Variants in PTPRG observed in about 807,000 individuals in gnomAD.
PTPRG encodes receptor-type tyrosine-protein phosphatase gamma.
A neutral mutation model predicts 165.3 loss-of-function variants in PTPRG; 102 were observed. That is an observed-to-expected ratio of 0.62 (90% CI 0.53 to 0.73). The LOEUF (loss-of-function observed/expected upper bound fraction) is 0.73. PTPRG is among the 30% of genes least tolerant of loss of function. PTPRG has a pLI of 0.00. For synonymous variants in PTPRG, 675 were observed against 669.5 expected, an observed-to-expected ratio of 1.01 and a Z score of -0.13; for missense variants, 1,866 against 1,861.4, an observed-to-expected ratio of 1.00 and a Z score of -0.05.
At chr3:61,801,345 G>C (rs2035235730) in intron 2 of PTPRG, among the ~76,000 whole-genome samples, 1 of 145,738 alleles carries the variant, frequency 6.9e-6, no homozygotes, top group African/African-American at 2.6e-5. Context: ...GTCTTGCTCT[G>C]TCACCCAGGC....
intron 26 of PTPRG, among the ~76,000 whole-genome samples, chr3:62,280,970 T>C (rs2148887351): frequency 6.6e-6 from 1 of 152,170 alleles, no homozygotes; most frequent in Non-Finnish European, 1.5e-5. Context: ...TTGCACTGTA[T>C]TTGGGAATCA....
intron 7 of PTPRG, among the ~76,000 whole-genome samples, chr3:62,165,430 G>T (rs1203318272): frequency 3.3e-5 from 5 of 152,074 alleles, no homozygotes; most frequent in African/African-American, 1.2e-4. Context: ...AGCATCTTTA[G>T]TTGTCTTCAT....
At chr3:61,969,164 T>C (rs1036121935) in intron 2 of PTPRG, among the ~76,000 whole-genome samples, 1 of 152,110 alleles carries the variant, frequency 6.6e-6, no homozygotes, top group Non-Finnish European at 1.5e-5. Context: ...CCTGGCTCAA[T>C]GAGTGGTTCA....
intron 1 of PTPRG, among the ~76,000 whole-genome samples, chr3:61,738,246 C>A (rs1265822478): frequency 8.7e-6 from 1 of 114,618 alleles, no homozygotes; most frequent in African/African-American, 3.1e-5. Context: ...AATAGGGCTT[C>A]TTTGTCCATT....
At chr3:61,884,001 A>G (rs564913195) in intron 2 of PTPRG, among the ~76,000 whole-genome samples, 1 of 152,242 alleles carries the variant, frequency 6.6e-6, no homozygotes, top group South Asian at 2.1e-4. Flanking sequence ...CAGGTGTACA[A>G]CATTCTTAGT....
At chr3:61,772,250 C>A (rs1243585847) in intron 2 of PTPRG, among the ~76,000 whole-genome samples, 1 of 151,866 alleles carries the variant, frequency 6.6e-6, no homozygotes, top group African/African-American at 2.4e-5. Context: ...ACTACTTTGT[C>A]TACCAGAATC....
chr3:61,644,872 C>T (rs1241819474), intron 1 of PTPRG, among the ~76,000 whole-genome samples: 1 of 152,206 alleles, frequency 6.6e-6, no homozygotes, highest in African/African-American at 2.4e-5. Flanking sequence ...ACTCATTTGT[C>T]TTAAAGTCAA....
intron 3 of PTPRG, among the ~76,000 whole-genome samples, chr3:61,993,210 G>A (rs562053836): frequency 6.7e-6 from 1 of 150,312 alleles, no homozygotes; most frequent in South Asian, 2.1e-4. Context: ...GTTGTTGTTT[G>A]TTTGGTTTAT....
rs1200468816 is a variant in PTPRG at position 62,282,880 on chromosome 3, G to C, written c.4055+11G>C. 1.3e-6 allele frequency: 2 copies of C among 1,578,638 alleles called. No individual in the cohort carries two copies. The highest frequency in any genetic ancestry group is 1.9e-5 in the Admixed American group (1 of 53,208). On this transcript the variant is annotated intron_variant, in intron 28 of 29. Transcript: ENST00000474889. ...CATTGTTCATGATGAGTATGTATCT[G>C]TTTCTTAATTTTAAAATGTAGACCG...
At chr3:61,674,958 T>C (rs1418227573) in intron 1 of PTPRG, among the ~76,000 whole-genome samples, 1 of 152,224 alleles carries the variant, frequency 6.6e-6, no homozygotes, top group Non-Finnish European at 1.5e-5. Flanking sequence ...CTTTTGTGCA[T>C]TTAATTAAGC....
At chr3:62,036,172 G>T (rs1260779715) in intron 4 of PTPRG, among the ~76,000 whole-genome samples, 1 of 152,118 alleles carries the variant, frequency 6.6e-6, no homozygotes, top group Non-Finnish European at 1.5e-5. Context: ...TACAGCATAG[G>T]TTAAGGGAAA....
intron 2 of PTPRG, among the ~76,000 whole-genome samples, chr3:61,903,651 T>A (rs891444499): frequency 6.6e-6 from 1 of 152,124 alleles, no homozygotes; most frequent in Non-Finnish European, 1.5e-5. Context: ...TGGGGTTAAT[T>A]GCGTGAGCCA....
At chr3:61,998,383 A>G (rs997329391) in intron 3 of PTPRG, among the ~76,000 whole-genome samples, 5 of 152,194 alleles carry the variant, frequency 3.3e-5, no homozygotes, top group South Asian at 2.1e-4. Flanking sequence ...GTGCTATTCT[A>G]TGATGTGTAT....
At chr3:61,769,353 A>G (rs2034135353) in intron 2 of PTPRG, 1 of 152,080 alleles carries the variant, frequency 6.6e-6, no homozygotes, top group South Asian at 2.1e-4. Flanking sequence ...ATAGCCCACT[A>G]AAGCCTTGAC....
At chr3:61,902,121 C>A (rs1401108824) in intron 2 of PTPRG, among the ~76,000 whole-genome samples, 1 of 152,194 alleles carries the variant, frequency 6.6e-6, no homozygotes, top group African/African-American at 2.4e-5. Context: ...TTGTCCTTCT[C>A]ACCATGGGGT....
intron 4 of PTPRG, among the ~76,000 whole-genome samples, chr3:62,048,814 C>A (rs1367345200): frequency 1.3e-5 from 2 of 152,126 alleles, no homozygotes; most frequent in Admixed American, 6.5e-5. Context: ...TGAACATATT[C>A]TTTTTCCCCT....
At chr3:61,700,904 C>T (rs1424512890) in intron 1 of PTPRG, among the ~76,000 whole-genome samples, 2 of 152,150 alleles carry the variant, frequency 1.3e-5, no homozygotes, top group African/African-American at 4.8e-5. Context: ...AACAAATGTG[C>T]ATCCCTGTCA....
chr3:61,901,148 A>G (rs778661775), intron 2 of PTPRG, among the ~76,000 whole-genome samples: 3 of 152,170 alleles, frequency 2.0e-5, no homozygotes, highest in Non-Finnish European at 4.4e-5. Flanking sequence ...ACATTTAAAT[A>G]TTTTTAAGCT....
chr3:62,011,293 C>T (rs992476260), intron 4 of PTPRG, among the ~76,000 whole-genome samples: 1 of 152,226 alleles, frequency 6.6e-6, no homozygotes, highest in South Asian at 2.1e-4. Context: ...GGTGTAAACA[C>T]ATGGGGCGGG....
Sources: allele counts gnomAD v4.1 joint callset (sites outside exome capture counted in the v4.1 genomes callset), GRCh38; gene constraint gnomAD v4.1.1; transcripts MANE v1.5; gene names NCBI Gene and HGNC (gene_info 2026-07-23, HGNC 2026-07-21).